The following ABCA13 variants were observed in gnomAD, a reference collection of about 807,000 sequenced individuals.
ABCA13 encodes the protein ATP binding cassette subfamily A member 13.
A neutral mutation model predicts 478.7 loss-of-function variants in ABCA13; 476 were observed. The ratio of observed to expected loss-of-function variants is 0.99; its 90% CI spans 0.92 to 1.07. The LOEUF is 1.07. ABCA13 is among the 50% of genes least tolerant of loss of function. The probability of loss-of-function intolerance (pLI) is 0.00; values close to 1 mark genes in which losing one functional copy is unlikely to be tolerated. For synonymous variants in ABCA13, 2,252 were observed against 2,158.9 expected, an observed-to-expected ratio of 1.04 and a Z score of -1.20; for missense variants, 6,060 against 5,910.6, an observed-to-expected ratio of 1.03 and a Z score of -0.83.
chr7:48,255,210 G>T lies in ABCA13; in HGVS notation c.2005+5859G>T, dbSNP rs564731916. On this transcript the variant is annotated intron_variant, in intron 15 of 61. Transcript: ENST00000435803. The stretch of plus-strand genomic sequence containing the variant: ...GCCTGTGACTCAGTAGTTCAGCCTT[G>T]AGAAGCTTTCTCAGCATGAGTAGTG... Among the ~76,000 whole-genome samples the T allele has an allele frequency of 2.0e-5, 3 of 152,246 alleles. 1 individual carries two copies. In the East Asian group the frequency reaches 5.8e-4, roughly 29 times the overall value.
intron 42 of ABCA13, among the ~76,000 whole-genome samples, chr7:48,445,007 C>G (rs569300881): frequency 1.0e-3 from 118 of 114,186 alleles, no homozygotes; most frequent in African/African-American, 3.8e-3. Flanking sequence ...CTCTTTCTTT[C>G]TTTCTTTTTT....
chr7:48,393,650 C>T (rs186522782), intron 38 of ABCA13, among the ~76,000 whole-genome samples: 31 of 152,206 alleles, frequency 2.0e-4, no homozygotes, highest in African/African-American at 6.3e-4. Context: ...CCACTTTTTC[C>T]GCTATGTGCT....
chr7:48,265,294 T>G lies in ABCA13; in HGVS notation c.2006-3686T>G, dbSNP rs189235590. Among the ~76,000 whole-genome samples, 93 of 151,758 alleles carry G rather than the reference T, an allele frequency of 6.1e-4. 1 individual carries two copies. In the East Asian group the frequency reaches 0.014, roughly 23 times the overall value. ...TAGGTCATTTGCCTTTCCATATGAA[T>G]TTTAGAATCTGCTTGTCAGTTTCTC... is the stretch of plus-strand genomic sequence containing the variant. On this transcript the variant is annotated intron_variant, in intron 15 of 61. Coordinates refer to ENST00000435803, the MANE Select transcript of ABCA13 (RefSeq NM_152701.5).
Position 48,646,567 on chromosome 7 carries a change from T to G in ABCA13, c.*1055T>G, listed in dbSNP as rs888608039. On this transcript the variant is annotated 3_prime_UTR_variant, in exon 62 of 62. Transcript: ENST00000435803. ...CGGAGTCTCGCTCTGTCACCCAGGC[T>G]GGAGTGCAGTGGCGCGATGTCGGCT... is the stretch of plus-strand genomic sequence containing the variant. 6 of 152,062 alleles carry G rather than the reference T, an allele frequency of 3.9e-5. No homozygotes were observed. Among genetic ancestry groups the G allele is most frequent in the African/African-American group, 1.2e-4 (5 of 41,380 alleles). The allele number at this position is 152,062 out of a possible 1,614,324, so 9.4% of individuals were successfully genotyped here. A position where few individuals can be genotyped will look rare whatever the true frequency, so the allele number is the denominator to read the frequency against.
chr7:48,227,144 G>A, intron 5 of ABCA13, 118 bp from the exon 6 acceptor site: 1 of 918,394 alleles, frequency 1.1e-6, no homozygotes, highest in Non-Finnish European at 1.7e-6. Context: ...TATATTAAGT[G>A]TGAGTTTCTA....
At chr7:48,614,315 A>G (rs981999064) in intron 58 of ABCA13, among the ~76,000 whole-genome samples, 6 of 151,402 alleles carry the variant, frequency 4.0e-5, no homozygotes, top group African/African-American at 1.4e-4. Context: ...TATATTTTAT[A>G]GCTGGTCTTC....
intron 42 of ABCA13, among the ~76,000 whole-genome samples, chr7:48,433,430 T>C (rs1201913736): frequency 6.7e-6 from 1 of 149,564 alleles, no homozygotes. Flanking sequence ...CAAATGTGTT[T>C]TTATATATGA....
rs200731569 is a variant in ABCA13, at chr7:48,367,889, A to G, written c.10784A>G (p.Gln3595Arg). 40 of 1,575,174 alleles carry G rather than the reference A, an allele frequency of 2.5e-5. 1 individual carries two copies. In the African/African-American group the frequency reaches 4.2e-4, roughly 16 times the overall value. The change falls in exon 32 of 62, where the codon CAG (glutamine) becomes CGG (arginine). Residue 3595 changes from glutamine (Q) to arginine (R), a missense_variant. This residue lies in a region of ABCA13 where 4,423 missense variants were observed against 4,309.1 expected (regional missense o/e 1.03). Coordinates refer to ENST00000435803, the MANE Select transcript of ABCA13 (RefSeq NM_152701.5). ...ATGGTCAGAAAGTTGGTGTATGAGC[A>G]GGAGATACAGATAGAAGAGGTAAAT... ...ASMVRKLVYE[Q>R]EIQIEEYMRM...
intron 46 of ABCA13, 139 bp downstream of exon 46, chr7:48,481,293 T>A: frequency 1.5e-6 from 1 of 670,420 alleles, no homozygotes; most frequent in Non-Finnish European, 2.6e-6. Flanking sequence ...GTGTGTGATG[T>A]TCCCCTTCCT....
At chr7:48,595,167 G>T (rs962402359) in intron 58 of ABCA13, among the ~76,000 whole-genome samples, 4 of 152,072 alleles carry the variant, frequency 2.6e-5, no homozygotes, top group African/African-American at 9.7e-5. Context: ...TCCATCCAAG[G>T]CCTATTATTT....
chr7:48,594,845 T>G, intron 58 of ABCA13, 32 bp downstream of exon 58: 1 of 1,583,112 alleles, frequency 6.3e-7, no homozygotes, highest in Non-Finnish European at 8.7e-7. Flanking sequence ...AGCCATTTCC[T>G]GATAAGACTG....
intron 1 of ABCA13, among the ~76,000 whole-genome samples, chr7:48,191,221 T>C (rs974663787): frequency 6.6e-6 from 1 of 152,210 alleles, no homozygotes; most frequent in Admixed American, 6.5e-5. Context: ...CTGAGCGTCC[T>C]TGACCTTTCT....
chr7:48,268,222 T>C (rs1279306576), intron 15 of ABCA13, among the ~76,000 whole-genome samples: 1 of 152,096 alleles, frequency 6.6e-6, no homozygotes, highest in East Asian at 1.9e-4. Context: ...AGTGGCGTGA[T>C]CTTGGCTCAC....
intron 48 of ABCA13, among the ~76,000 whole-genome samples, chr7:48,498,076 T>G (rs962979170): frequency 6.6e-6 from 1 of 152,136 alleles, no homozygotes; most frequent in Non-Finnish European, 1.5e-5. Flanking sequence ...TTGTGAAGTC[T>G]CATTGCTACC....
At chr7:48,422,585 A>G (rs1272082466) in intron 41 of ABCA13, among the ~76,000 whole-genome samples, 1 of 152,032 alleles carries the variant, frequency 6.6e-6, no homozygotes, top group African/African-American at 2.4e-5. Context: ...AAAATTTTCT[A>G]CTCTACTTAC....
intron 35 of ABCA13, among the ~76,000 whole-genome samples, chr7:48,377,307 A>C (rs1157027433): frequency 1.3e-5 from 2 of 152,130 alleles, no homozygotes; most frequent in Admixed American, 1.3e-4. Flanking sequence ...CAGAAATAGC[A>C]CTTTAAAATT....
intron 1 of ABCA13, among the ~76,000 whole-genome samples, chr7:48,186,497 C>A (rs968881383): frequency 7.2e-5 from 11 of 151,994 alleles, no homozygotes; most frequent in Admixed American, 7.2e-4. Context: ...TTTCACTATA[C>A]CATGTCTTAG....
At chr7:48,513,805 G>A (rs920854178) in intron 51 of ABCA13, among the ~76,000 whole-genome samples, 14 of 152,136 alleles carry the variant, frequency 9.2e-5, no homozygotes, top group African/African-American at 2.4e-4. Flanking sequence ...CTGCTAATAC[G>A]TTAATTTGAG....
At position 48,271,880 on chromosome 7, in the gene ABCA13, A is replaced by G. The variant is rs768692775; in HGVS notation, c.2214A>G (p.Glu738=). 6.2e-7 allele frequency: 1 copy of G among 1,610,658 alleles called. No homozygotes were observed. The highest frequency in any genetic ancestry group is 1.3e-5 in the African/African-American group (1 of 74,990). ...EQMNFLLSFV[E]FFEKLLLPNL... ...TGAACTTTCTTTTATCATTTGTGGA[A>G]TTTTTTGAGAAATTATTGTTGCCTA... The change falls in exon 17 of 62, where the codon GAA becomes GAG. Residue 738 remains glutamate (E), a synonymous_variant. Coordinates refer to ENST00000435803, the MANE Select transcript of ABCA13 (RefSeq NM_152701.5).
Sources: gnomAD v4.1 joint callset for allele counts (sites outside exome capture counted in the v4.1 genomes callset) on GRCh38, gnomAD v4.1.1 for gene constraint, gnomAD v4.1.1 regional missense constraint, MANE v1.5 for transcripts, NCBI Gene and HGNC (gene_info 2026-07-23, HGNC 2026-07-21) for gene names.